The following ADAM12 variants were observed in gnomAD, a reference collection of about 807,000 sequenced individuals.
ADAM12 encodes the protein ADAM metallopeptidase domain 12.
Under a neutral mutation model 106.4 loss-of-function variants are expected in ADAM12, and 70 were observed. The observed-to-expected ratio is 0.66, with a 90% confidence interval of 0.54 to 0.80. The LOEUF (loss-of-function observed/expected upper bound fraction) is 0.80. Among genes scored for constraint, ADAM12 ranks in the 30% least tolerant of loss-of-function variants. The pLI is 0.00. For synonymous variants in ADAM12, 420 were observed against 433.5 expected (o/e 0.97, Z 0.39); for missense variants, 1,010 against 1,171.9 (o/e 0.86, Z 2.02).
At chr10:126,234,185 G>A (rs1047321466) in intron 3 of ADAM12, among the ~76,000 whole-genome samples, 1 of 152,200 alleles carries the variant, frequency 6.6e-6, no homozygotes, top group Non-Finnish European at 1.5e-5. Context: ...AGATGGGAAG[G>A]AAGGCTATCA....
intron 2 of ADAM12, among the ~76,000 whole-genome samples, chr10:126,307,411 T>TGGCACAATCTCCACTCATTGCAAC (rs1565203913): frequency 3.9e-5 from 6 of 152,178 alleles, no homozygotes; most frequent in Non-Finnish European, 8.8e-5. Context: ...TGGAGTGCAA[T>TGGCACAATCTCCACTCATTGCAAC]GGCACAATCT....
chr10:126,042,135 G>C, intron 18 of ADAM12: 6 of 1,613,572 alleles, frequency 3.7e-6, no homozygotes, highest in Non-Finnish European at 5.1e-6. Flanking sequence ...GGAGGGCTCA[G>C]ATGAGTGTCA....
chr10:126,158,879 AGAGGATGCACAGAGCATGGTGGG>A (rs1488497621), intron 3 of ADAM12, among the ~76,000 whole-genome samples: 62 of 119,640 alleles, frequency 5.2e-4, no homozygotes, highest in Admixed American at 3.4e-3. Context: ...GAGCATGGGG[AGAGGATGCACAGAGCATGGTGGG>A]GAGGATGCAC....
At chr10:126,367,992 T>TAAA (rs912194051) in intron 1 of ADAM12, among the ~76,000 whole-genome samples, 1 of 151,900 alleles carries the variant, frequency 6.6e-6, no homozygotes, top group Non-Finnish European at 1.5e-5. Flanking sequence ...CTATCTCTTA[T>TAAA]AAAAACAGAC....
intron 3 of ADAM12, among the ~76,000 whole-genome samples, chr10:126,210,504 T>C (rs977471994): frequency 1.3e-5 from 2 of 151,736 alleles, no homozygotes; most frequent in African/African-American, 4.8e-5. Context: ...GTGGAACAAG[T>C]GGGGTAGGGG....
chr10:126,328,825 C>T (rs919464592), intron 2 of ADAM12, among the ~76,000 whole-genome samples: 1 of 152,176 alleles, frequency 6.6e-6, no homozygotes, highest in African/African-American at 2.4e-5. Context: ...ACCTAATAAT[C>T]ATGGTTCTTC....
chr10:126,237,053 C>T lies in ADAM12; in HGVS notation c.260+41862G>A, dbSNP rs376328307. On this transcript the variant is annotated intron_variant, in intron 3 of 22. Coordinates refer to ENST00000448723, the MANE Select transcript of ADAM12 (RefSeq NM_001288973.2). ...CTCTCCTCCCTGCCTGGGCCAGCCT[C>T]GCCCACAACCCCTCCCCCCATTTCC... Among the ~76,000 whole-genome samples the T allele has an allele frequency of 9.8e-5, 15 of 152,312 alleles. No individual in the cohort carries two copies. The East Asian group carries it at 1.5e-3, about 16-fold the overall frequency.
Position 126,386,401 on chromosome 10 carries a change from C to T in ADAM12, c.88+1657G>A, listed in dbSNP as rs945441984. ...TTCATTATATGTTTGGCGTTTTATA[C>T]GGCCTCAATGGTATGATTTGGGGCA... is the stretch of plus-strand genomic sequence containing the variant. On this transcript the variant is annotated intron_variant, in intron 1 of 22. Transcript: ENST00000448723. Among the ~76,000 whole-genome samples the T allele has an allele frequency of 3.3e-5, 5 of 152,146 alleles. 1 individual carries two copies. The highest frequency in any genetic ancestry group is 2.1e-4 in the South Asian group (1 of 4,822).
In ADAM12 at chr10:126,192,895, C is replaced by T. The variant is rs532918663; in HGVS notation, c.261-37590G>A. Among the ~76,000 whole-genome samples, 140 of 152,360 alleles carry T rather than the reference C, an allele frequency of 9.2e-4. 1 individual carries two copies. The highest frequency in any genetic ancestry group is 3.3e-3 in the African/African-American group (136 of 41,586). On this transcript the variant is annotated intron_variant, in intron 3 of 22. Coordinates refer to ENST00000448723, the MANE Select transcript of ADAM12 (RefSeq NM_001288973.2). ...TTCTGCAAGAGGCAGAAACATTCAG[C>T]TTACTCCAATGGGAGAGAGTCGCCA...
chr10:126,078,709 T>C (rs1955151281), intron 11 of ADAM12, among the ~76,000 whole-genome samples: 1 of 151,326 alleles, frequency 6.6e-6, no homozygotes, highest in South Asian at 2.1e-4. Flanking sequence ...TCTTTTATAC[T>C]TTTTTTTGAA....
chr10:126,039,411 A>G lies in ADAM12; in HGVS notation c.2123T>C (p.Ile708Thr), dbSNP rs767130685. The change falls in exon 19 of 23, where the codon ATA becomes ACA. Residue 708 changes from isoleucine to threonine, a missense_variant. Coordinates refer to ENST00000448723, the MANE Select transcript of ADAM12 (RefSeq NM_001288973.2). ...ACACAGGATGGTCACCAGAATTCCT[A>G]TGGTTAAACCTTGGTTATCTGAAAC... ...IRQADNQGLT[I>T]GILVTILCLL... 13 of 1,614,110 alleles carry G rather than the reference A, an allele frequency of 8.1e-6. No individual in the cohort carries two copies. In the South Asian group the frequency reaches 1.3e-4, roughly 16 times the overall value.
intron 12 of ADAM12, among the ~76,000 whole-genome samples, chr10:126,068,391 C>T (rs900046167): frequency 2.6e-5 from 4 of 152,222 alleles, no homozygotes; most frequent in Non-Finnish European, 5.9e-5. Context: ...ATCTTCCCCC[C>T]TCTCTCAAAT....
chr10:126,338,830 T>G (rs1017291841), intron 1 of ADAM12, among the ~76,000 whole-genome samples: 1 of 152,210 alleles, frequency 6.6e-6, no homozygotes, highest in Admixed American at 6.5e-5. Context: ...CTAGGAATAA[T>G]TTTTGGATCT....
intron 3 of ADAM12, among the ~76,000 whole-genome samples, chr10:126,244,095 A>T (rs902614509): frequency 3.3e-5 from 5 of 152,252 alleles, no homozygotes; most frequent in African/African-American, 1.2e-4. Flanking sequence ...ATTTAGCCAT[A>T]AAACTGTGGG....
intron 1 of ADAM12, among the ~76,000 whole-genome samples, chr10:126,332,852 C>T (rs990216806): frequency 3.9e-5 from 6 of 152,200 alleles, no homozygotes; most frequent in Admixed American, 3.3e-4. Context: ...CAGGACCCCA[C>T]GGGATTCACA....
chr10:126,031,076 T>C (rs1035646488), intron 21 of ADAM12, among the ~76,000 whole-genome samples: 1 of 152,130 alleles, frequency 6.6e-6, no homozygotes, highest in African/African-American at 2.4e-5. Flanking sequence ...TCAGAGGTCC[T>C]GGAGGGAGGA....
rs116813737 is a variant in ADAM12, at chr10:126,043,671, C to A, written c.1996-523G>T. Among the ~76,000 whole-genome samples the A allele has an allele frequency of 0.012, 1,756 of 152,312 alleles. 33 individuals carry two copies. The highest frequency in any genetic ancestry group is 0.041 in the African/African-American group (1,689 of 41,562). ...CGAGGCAGGCCCCCCGTTTCCTGAGCAAAGGAATCCTGTTTCCTGCAATCC... is the reference window on the plus strand; with the variant it reads ...CGAGGCAGGCCCCCCGTTTCCTGAGAAAAGGAATCCTGTTTCCTGCAATCC... On this transcript the variant is annotated intron_variant, in intron 17 of 22. Coordinates refer to ENST00000448723, the MANE Select transcript of ADAM12 (RefSeq NM_001288973.2). The surrounding 1 kb of genome is among the most constrained non-coding windows in gnomAD (Gnocchi z 4.1).
At chr10:126,070,624 T>G (rs879677404) in intron 12 of ADAM12, 2 of 152,174 alleles carry the variant, frequency 1.3e-5, no homozygotes, top group Non-Finnish European at 2.9e-5. Flanking sequence ...AGTCCATCTG[T>G]GAATTTAGCT....
intron 3 of ADAM12, among the ~76,000 whole-genome samples, chr10:126,267,123 A>T (rs1479243197): frequency 1.3e-5 from 2 of 152,178 alleles, no homozygotes; most frequent in Admixed American, 6.5e-5. Flanking sequence ...ACTGTCAATC[A>T]TCTCCTCTGA....
Sources: gnomAD v4.1 joint callset for allele counts (sites outside exome capture counted in the v4.1 genomes callset) on GRCh38, gnomAD v4.1.1 for gene constraint, Gnocchi (gnomAD v3.1) non-coding constraint, MANE v1.5 for transcripts, NCBI Gene and HGNC (gene_info 2026-07-23, HGNC 2026-07-21) for gene names.